ZDHHC5: variants seen among roughly 807,000 people sequenced by gnomAD.
ZDHHC5 encodes the protein zDHHC palmitoyltransferase 5, also known as palmitoyltransferase ZDHHC5.
Under a neutral mutation model 70.0 loss-of-function variants are expected in ZDHHC5, and 22 were observed. The observed-to-expected ratio is 0.31, with a 90% CI of 0.22 to 0.45. The LOEUF is 0.45. Among genes scored for constraint, ZDHHC5 ranks in the 20% least tolerant of loss-of-function variants. ZDHHC5 has a pLI of 1.00. For missense variants in ZDHHC5, 746 were observed against 926.9 expected (o/e 0.80, Z 2.53); for synonymous variants, 313 against 347.8 (o/e 0.90, Z 1.11).
chr11:57,688,547 C>G lies in ZDHHC5; in HGVS notation c.266C>G (p.Pro89Arg). The change falls in exon 4 of 12, where the codon CCC becomes CGC. Residue 89 changes from proline to arginine, a missense_variant. This residue lies in a region of ZDHHC5 where 89 missense variants were observed against 130.7 expected (regional missense o/e 0.68). Transcript: ENST00000287169. ...DEDKEDDFRAPLYKTVEIKGI... is the reference protein window; with the variant it reads ...DEDKEDDFRARLYKTVEIKGI... ...GACAAGGAAGATGATTTCCGAGCTC[C>G]CCTTTACAAAACAGTGGAGATAAAG... 6.2e-7 allele frequency: 1 copy of G among 1,604,294 alleles called. No homozygotes were observed. The highest frequency in any genetic ancestry group is 8.5e-7 in the Non-Finnish European group (1 of 1,175,350).
chr11:57,680,037 T>G (rs1946128707), intron 2 of ZDHHC5, among the ~76,000 whole-genome samples: 1 of 152,186 alleles, frequency 6.6e-6, no homozygotes, highest in Admixed American at 6.6e-5. Flanking sequence ...AGGGTAAAGT[T>G]CATCATCCAG....
intron 3 of ZDHHC5, 67 bp downstream of exon 3, chr11:57,682,610 C>A: frequency 1.3e-6 from 2 of 1,547,830 alleles, no homozygotes; most frequent in Non-Finnish European, 1.8e-6. Context: ...TGGCCATACA[C>A]AGTTGATCTT....
At chr11:57,670,340 G>A (rs1367563260) in intron 1 of ZDHHC5, among the ~76,000 whole-genome samples, 1 of 151,904 alleles carries the variant, frequency 6.6e-6, no homozygotes, top group Non-Finnish European at 1.5e-5. Flanking sequence ...GTGTGGTGGT[G>A]CCCTCCTGTA....
At position 57,699,265 on chromosome 11, in the gene ZDHHC5, A is replaced by C; in HGVS notation, c.1829A>C (p.Lys610Thr). Residue 610 changes from lysine to threonine, a missense_variant, in exon 11 of 12, where the codon AAG becomes ACG. By Grantham distance (78) the Lys-to-Thr change is moderately conservative (BLOSUM62 -1). This residue lies in a region of ZDHHC5 where 340 missense variants were observed against 350.1 expected (regional missense o/e 0.97). Coordinates refer to ENST00000287169, the MANE Select transcript of ZDHHC5 (RefSeq NM_015457.3). ...CGCCCAGCTGTCCCCCGTTTTGGCAAGCCAGATGGGCTAAGGGGCCGGGGA... is the reference window on the plus strand; with the variant it reads ...CGCCCAGCTGTCCCCCGTTTTGGCACGCCAGATGGGCTAAGGGGCCGGGGA... ...LGRPAVPRFGKPDGLRGRGVG... is the reference protein window; with the variant it reads ...LGRPAVPRFGTPDGLRGRGVG... 6.2e-7 allele frequency: 1 copy of C among 1,614,256 alleles called. No individual in the cohort carries two copies. Among genetic ancestry groups the C allele is most frequent in the South Asian group, 1.1e-5 (1 of 91,088 alleles).
chr11:57,684,672 T>A (rs933344129), intron 3 of ZDHHC5, among the ~76,000 whole-genome samples: 2 of 152,138 alleles, frequency 1.3e-5, no homozygotes, highest in African/African-American at 4.8e-5. Flanking sequence ...GCAGAAGAAG[T>A]AGGCTCTTTC....
intron 3 of ZDHHC5, among the ~76,000 whole-genome samples, chr11:57,685,005 C>T (rs935795479): frequency 2.6e-5 from 4 of 151,724 alleles, no homozygotes; most frequent in East Asian, 2.0e-4. Context: ...AAAATTAGCC[C>T]GACATGGTGG....
In ZDHHC5 at chr11:57,690,160, C is replaced by G. The variant is rs1946262921; in HGVS notation, c.514C>G (p.Leu172Val). 6.2e-7 allele frequency: 1 copy of G among 1,614,096 alleles called. No individual in the cohort carries two copies. Among genetic ancestry groups the G allele is most frequent in the South Asian group, 1.1e-5 (1 of 91,070 alleles). The change falls in exon 5 of 12, where the codon CTC (leucine) becomes GTC (valine). Residue 172 changes from leucine (L) to valine (V), a missense_variant. Physicochemically the swap from Leu to Val is conservative, Grantham distance 32. Coordinates refer to ENST00000287169, the MANE Select transcript of ZDHHC5 (RefSeq NM_015457.3). ...GTTTGGCTTTGGCCTCCTTTATGTC[C>G]TCTACCACATAGAGGAACTCTCAGG... Reference protein sequence around the residue: ...GVFGFGLLYVLYHIEELSGVR... With the variant: ...GVFGFGLLYVVYHIEELSGVR...
intron 3 of ZDHHC5, among the ~76,000 whole-genome samples, chr11:57,687,702 G>A (rs181581150): frequency 3.3e-4 from 49 of 148,680 alleles, no homozygotes; most frequent in Non-Finnish European, 1.8e-4. Flanking sequence ...AAATAATACT[G>A]AAATACGTAT....
At position 57,698,558 on chromosome 11, in the gene ZDHHC5, G is replaced by T. The variant is rs1946387511; in HGVS notation, c.1123-1G>T. On this transcript the variant is annotated splice_acceptor_variant, in intron 10 of 11. Coordinates refer to ENST00000287169, the MANE Select transcript of ZDHHC5 (RefSeq NM_015457.3). LOFTEE classifies it high-confidence loss of function. Reference sequence around the variant, plus strand: ...AGAGCCTGCTTTACTTTCTTCCTCAGTTGAGTCGTGGGGACAGCTTGAAGG... The same window carrying T: ...AGAGCCTGCTTTACTTTCTTCCTCATTTGAGTCGTGGGGACAGCTTGAAGG... The T allele has an allele frequency of 6.3e-7, 1 of 1,594,628 alleles. No individual in the cohort carries two copies. The highest frequency in any genetic ancestry group is 8.5e-7 in the Non-Finnish European group (1 of 1,171,006).
At chr11:57,680,596 C>T (rs1946137501) in intron 2 of ZDHHC5, among the ~76,000 whole-genome samples, 1 of 152,144 alleles carries the variant, frequency 6.6e-6, no homozygotes, top group Non-Finnish European at 1.5e-5. Context: ...TTTTTCCCTT[C>T]TAATTATCTT....
In ZDHHC5 at chr11:57,688,685, T is replaced by C. The variant is rs1946243136; in HGVS notation, c.384+20T>C. ...GTGGAGGTAAGCACCCTGGGTGGGG[T>C]AAGACTTCATGCTTAACCTTCATTG... On this transcript the variant is annotated intron_variant, in intron 4 of 11. Transcript: ENST00000287169. The C allele has an allele frequency of 6.4e-7, 1 of 1,567,302 alleles. No homozygotes were observed. The highest frequency in any genetic ancestry group is 1.2e-5 in the South Asian group (1 of 84,776).
intron 4 of ZDHHC5, among the ~76,000 whole-genome samples, chr11:57,689,439 G>A (rs539286591): frequency 3.3e-4 from 50 of 151,904 alleles, no homozygotes; most frequent in Admixed American, 1.5e-3. Flanking sequence ...GTGCAATGGC[G>A]CAATCTCGGC....
intron 9 of ZDHHC5, 36 bp downstream of exon 9, chr11:57,696,079 AG>A: frequency 6.3e-7 from 1 of 1,595,040 alleles, no homozygotes; most frequent in Non-Finnish European, 8.5e-7. Flanking sequence ...TACTAGAACT[AG>A]GGGCAGGATT....
In ZDHHC5 at chr11:57,698,372, G is replaced by A. The variant is rs185092641; in HGVS notation, c.1123-187G>A. Among the ~76,000 whole-genome samples, 111 of 152,256 alleles carry A rather than the reference G, an allele frequency of 7.3e-4. 2 individuals are homozygous for A. The highest frequency in any genetic ancestry group is 2.6e-3 in the African/African-American group (107 of 41,540). On this transcript the variant is annotated intron_variant, in intron 10 of 11. Coordinates refer to ENST00000287169, the MANE Select transcript of ZDHHC5 (RefSeq NM_015457.3). Reference sequence around the variant, plus strand: ...TCAGCCTTTCTACGTCTTGCTTTCTGTATCTGAAAAGGAGATGATATTTGC... The same window carrying A: ...TCAGCCTTTCTACGTCTTGCTTTCTATATCTGAAAAGGAGATGATATTTGC...
In ZDHHC5 at chr11:57,700,113, T is replaced by C; in HGVS notation, c.*82T>C. ...GGCCACCTTCCTTCCCTCAAGGGGC[T>C]CCCCTCCCGTGCATGGACATTTTTT... On this transcript the variant is annotated 3_prime_UTR_variant, in exon 12 of 12. Transcript: ENST00000287169. The C allele has an allele frequency of 6.8e-7, 1 of 1,465,786 alleles. No individual in the cohort carries two copies. Among genetic ancestry groups the C allele is most frequent in the African/African-American group, 1.4e-5 (1 of 70,216 alleles). The allele number at this position is 1,465,786 out of a possible 1,614,324, so 90.8% of individuals were successfully genotyped here.
chr11:57,678,101 C>G (rs551983704), intron 2 of ZDHHC5, among the ~76,000 whole-genome samples: 1 of 152,212 alleles, frequency 6.6e-6, no homozygotes, highest in African/African-American at 2.4e-5. Context: ...GTCATATGCT[C>G]AAGCAATATG....
chr11:57,693,012 C>T (rs1946305236), intron 7 of ZDHHC5, among the ~76,000 whole-genome samples: 1 of 152,028 alleles, frequency 6.6e-6, no homozygotes, highest in African/African-American at 2.4e-5. Flanking sequence ...CACCTCAGAT[C>T]ATGAGGCATT....
At chr11:57,689,381 A>T (rs914040099) in intron 4 of ZDHHC5, among the ~76,000 whole-genome samples, 1 of 151,040 alleles carries the variant, frequency 6.6e-6, no homozygotes, top group African/African-American at 2.4e-5. Flanking sequence ...ATATATATAT[A>T]TTTATTTATT....
chr11:57,695,528 A>G (rs996694769), intron 8 of ZDHHC5, among the ~76,000 whole-genome samples: 1 of 152,120 alleles, frequency 6.6e-6, no homozygotes, highest in Admixed American at 6.5e-5. Flanking sequence ...GCTCATGTCT[A>G]TAATCCCAAC....
Sources: gnomAD v4.1 joint callset for allele counts (sites outside exome capture counted in the v4.1 genomes callset) on GRCh38, gnomAD v4.1.1 for gene constraint, gnomAD v4.1.1 regional missense constraint, MANE v1.5 for transcripts, NCBI Gene and HGNC (gene_info 2026-07-23, HGNC 2026-07-21) for gene names.